SYNE2: variants seen among roughly 807,000 people sequenced by gnomAD.
SYNE2 encodes the protein nesprin-2.
Under a neutral mutation model 856.3 loss-of-function variants are expected in SYNE2, and 431 were observed. The ratio of observed to expected loss-of-function variants is 0.50; its 90% CI spans 0.47 to 0.55. The LOEUF (loss-of-function observed/expected upper bound fraction) is 0.55. Ranked by LOEUF, SYNE2 falls within the 20% of genes least tolerant of loss-of-function variation. The probability of loss-of-function intolerance (pLI) is 0.00; values close to 1 mark genes in which losing one functional copy is unlikely to be tolerated. For synonymous variants in SYNE2, 2,923 were observed against 2,872.3 expected, an observed-to-expected ratio of 1.02 and a Z score of -0.56; for missense variants, 8,129 against 8,023.2, an observed-to-expected ratio of 1.01 and a Z score of -0.50.
At chr14:63,774,982 A>T (rs995440964) in intron 1 of SYNE2, among the ~76,000 whole-genome samples, 11 of 151,830 alleles carry the variant, frequency 7.2e-5, no homozygotes, top group South Asian at 2.1e-4. Flanking sequence ...TTACTTTATT[A>T]TTTATCATTT....
At chr14:64,175,396 A>G (rs1047468402) in intron 95 of SYNE2, among the ~76,000 whole-genome samples, 10 of 152,230 alleles carry the variant, frequency 6.6e-5, no homozygotes, top group African/African-American at 2.4e-4. Flanking sequence ...ATTCAATGAA[A>G]GTTCAATACA....
rs1463173902 is a variant in SYNE2 at position 63,997,062 on chromosome 14, T to A, written c.3056T>A (p.Leu1019His). The change falls in exon 24 of 116, where the codon CTC (leucine) becomes CAC (histidine). Residue 1019 changes from leucine to histidine, a missense_variant. Around this residue, in one of 3 missense-constraint regions of SYNE2, gnomAD observed 2,422 missense variants for 2,357.4 expected, o/e 1.03. Transcript: ENST00000555002. ...QKSQQEVKRL[L>H]KDYEQKIERL... is the part of the protein sequence containing the mutation. ...AGTCAACAAGAAGTGAAGAGACTAC[T>A]CAAAGATTATGAACAAAAGATAGAA... The A allele has an allele frequency of 2.5e-5, 41 of 1,613,904 alleles. No homozygotes were observed. Among genetic ancestry groups the A allele is most frequent in the Non-Finnish European group, 3.4e-5 (40 of 1,179,970 alleles).
intron 99 of SYNE2, among the ~76,000 whole-genome samples, chr14:64,193,048 AC>A (rs1393724422): frequency 6.6e-6 from 1 of 152,206 alleles, no homozygotes. Flanking sequence ...CCTGATGCTG[AC>A]TTCACCCTGG....
chr14:64,212,358 A>C (rs1416836213), intron 104 of SYNE2, among the ~76,000 whole-genome samples: 1 of 152,208 alleles, frequency 6.6e-6, no homozygotes, highest in Non-Finnish European at 1.5e-5. Context: ...ATGACAGGCT[A>C]ATCTCACTGT....
At chr14:63,799,131 T>G (rs1218903337) in intron 1 of SYNE2, among the ~76,000 whole-genome samples, 1 of 152,208 alleles carries the variant, frequency 6.6e-6, no homozygotes, top group Non-Finnish European at 1.5e-5. Flanking sequence ...CAGCCTGGAG[T>G]GCAGTGGCGC....
chr14:63,868,212 G>T (rs1442041843), intron 1 of SYNE2, among the ~76,000 whole-genome samples: 1 of 152,102 alleles, frequency 6.6e-6, no homozygotes. Context: ...TGACCTAACA[G>T]CATTTAAAGT....
chr14:63,782,997 A>C (rs1419394763), intron 1 of SYNE2, among the ~76,000 whole-genome samples: 1 of 152,120 alleles, frequency 6.6e-6, no homozygotes, highest in African/African-American at 2.4e-5. Context: ...ATATTGGGAC[A>C]ATCTGACATA....
At chr14:63,989,616 G>T (rs1302436790) in intron 19 of SYNE2, among the ~76,000 whole-genome samples, 2 of 151,920 alleles carry the variant, frequency 1.3e-5, no homozygotes, top group South Asian at 4.2e-4. Context: ...GGTATTACAG[G>T]CATGAGCCAC....
At chr14:64,078,923 TTAGCTGGGTGTGG>T (rs1347090870) in intron 55 of SYNE2, among the ~76,000 whole-genome samples, 2 of 151,934 alleles carry the variant, frequency 1.3e-5, no homozygotes, top group African/African-American at 2.4e-5. Flanking sequence ...AATACAAATA[TTAGCTGGGTGTGG>T]TGGCACAAGA....
intron 70 of SYNE2, among the ~76,000 whole-genome samples, chr14:64,123,646 G>C (rs2097914913): frequency 6.6e-6 from 1 of 152,106 alleles, no homozygotes. Context: ...CAGCTTTCCA[G>C]TTTGAGAAAG....
chr14:64,132,549 A>G, intron 77 of SYNE2, 111 bp downstream of exon 77: 1 of 1,395,150 alleles, frequency 7.2e-7, no homozygotes, highest in Non-Finnish European at 1.0e-6. Context: ...AGTTAAATGG[A>G]AGCCTGACAG....
At chr14:64,186,279 T>C in intron 96 of SYNE2, 145 bp from the exon 97 acceptor site, 1 of 1,027,006 alleles carries the variant, frequency 9.7e-7, no homozygotes, top group Admixed American at 1.7e-5. Flanking sequence ...GGCGCTCGTC[T>C]TGGGCTGTTT....
rs954372224 is a variant in SYNE2 at position 64,168,893 on chromosome 14, T to C, written c.16922T>C (p.Val5641Ala). ...CATATACAGATGTTAGAAGCTGAAG[T>C]TTCTATAAACCAGACAATTGCTGAT... Reference protein sequence around the residue: ...QKTYKMLEAEVSINQTIADSY... With the variant: ...QKTYKMLEAEASINQTIADSY... The change falls in exon 93 of 116, where the codon GTT becomes GCT. Residue 5641 changes from valine (V) to alanine (A), a missense_variant. Transcript: ENST00000555002. 2.5e-6 allele frequency: 4 copies of C among 1,613,228 alleles called. No homozygotes were observed. Among genetic ancestry groups the C allele is most frequent in the Non-Finnish European group, 3.4e-6 (4 of 1,179,322 alleles).
At chr14:64,201,895 C>T (rs993567433) in intron 99 of SYNE2, among the ~76,000 whole-genome samples, 2 of 152,150 alleles carry the variant, frequency 1.3e-5, no homozygotes, top group African/African-American at 4.8e-5. Flanking sequence ...CACAGAACGC[C>T]AGGACAGATC....
chr14:64,094,421 T>C (rs1471636151), intron 61 of SYNE2, among the ~76,000 whole-genome samples: 2 of 152,192 alleles, frequency 1.3e-5, no homozygotes, highest in African/African-American at 4.8e-5. Flanking sequence ...TGTTGCTAGG[T>C]TTTTTCAGTC....
rs1460474692 is a variant in SYNE2, at chr14:63,815,114, C to CA, written c.-304-37387_-304-37386insA. 3.8e-3 allele frequency among the ~76,000 whole-genome samples: 349 copies of CA among 91,666 alleles called. 12 individuals carry two copies. The highest frequency in any genetic ancestry group is 6.4e-3 in the Middle Eastern group (1 of 156). 60.1% of individuals were successfully genotyped at this position (91,666 alleles called of 152,430 possible). A position where few individuals can be genotyped will look rare whatever the true frequency, so the allele number is the denominator to read the frequency against. ...TGCACATATATATCCACACATATAT[C>CA]CATATATATCCACATATATATCCAT... On this transcript the variant is annotated intron_variant, in intron 1 of 23. Coordinates refer to the SYNE2 transcript ENST00000674003.
chr14:63,984,669 T>C (rs1395668098), intron 18 of SYNE2, among the ~76,000 whole-genome samples: 1 of 152,184 alleles, frequency 6.6e-6, no homozygotes, highest in Admixed American at 6.5e-5. Context: ...TAAGATATAA[T>C]ACCTATGGCT....
At position 64,198,574 on chromosome 14, in the gene SYNE2, G is replaced by A. The variant is rs117544513; in HGVS notation, c.18039-4227G>A. ...CTCTGGATGGAGTTTGGGATATACC[G>A]GCTAAATCCTGGCTGGATGAGTGCT... On this transcript the variant is annotated intron_variant, in intron 99 of 115. Transcript: ENST00000555002. 2.9e-3 allele frequency among the ~76,000 whole-genome samples: 438 copies of A among 152,254 alleles called. 6 individuals carry two copies. In the East Asian group the frequency reaches 0.029, roughly 10 times the overall value.
At position 63,997,022 on chromosome 14, in the gene SYNE2, C is replaced by T. The variant is rs1214836735; in HGVS notation, c.3016C>T (p.Leu1006=). The change falls in exon 24 of 116, where the codon CTG becomes TTG. Residue 1006 remains leucine (L), a synonymous_variant. Coordinates refer to ENST00000555002, the MANE Select transcript of SYNE2 (RefSeq NM_182914.3). ...MEVLRELCEE[L]PSQKSQQEVK... is the part of the protein sequence containing the mutation. Reference sequence around the variant, plus strand: ...AGTCCTGAGGGAGCTGTGTGAAGAGCTGCCTTCACAGAAGAGTCAACAAGA... The same window carrying T: ...AGTCCTGAGGGAGCTGTGTGAAGAGTTGCCTTCACAGAAGAGTCAACAAGA... The T allele has an allele frequency of 6.2e-7, 1 of 1,614,054 alleles. No individual in the cohort carries two copies. The highest frequency in any genetic ancestry group is 1.3e-5 in the African/African-American group (1 of 75,038).
Sources: gnomAD v4.1 joint callset for allele counts (sites outside exome capture counted in the v4.1 genomes callset) on GRCh38, gnomAD v4.1.1 for gene constraint, gnomAD v4.1.1 regional missense constraint, MANE v1.5 for transcripts, NCBI Gene and HGNC (gene_info 2026-07-23, HGNC 2026-07-21) for gene names.